The following RTN1 variants were observed in gnomAD, a reference collection of about 807,000 sequenced individuals.
The protein encoded by RTN1 is reticulon 1.
In RTN1, 25 loss-of-function variants were observed where a neutral mutation model predicts 65.5. That is an observed-to-expected ratio of 0.38 (90% CI 0.28 to 0.53). RTN1 has a LOEUF of 0.53. Ranked by LOEUF, RTN1 falls within the 20% of genes least tolerant of loss-of-function variation. RTN1 has a pLI of 0.79. For missense variants in RTN1, 983 were observed against 1,025.4 expected, an observed-to-expected ratio of 0.96 and a Z score of 0.57; for synonymous variants, 471 against 447.6, an observed-to-expected ratio of 1.05 and a Z score of -0.66.
chr14:59,843,716 G>T (rs919854558), intron 1 of RTN1, among the ~76,000 whole-genome samples: 1 of 152,104 alleles, frequency 6.6e-6, no homozygotes, highest in Admixed American at 6.6e-5. Flanking sequence ...CTAAGGTAAG[G>T]CACTGGAAGA....
rs766244535 is a variant in RTN1 at position 59,603,900 on chromosome 14, G to A, written c.2134C>T (p.Leu712=). ...TTGAAGAGAGCGCCAACGTAGGTCAGGAGCCACATCAGGACTGCAAACTGA... is the reference window on the plus strand; with the variant it reads ...TTGAAGAGAGCGCCAACGTAGGTCAAGAGCCACATCAGGACTGCAAACTGA... ...SLKFAVLMWL[L]TYVGALFNGL... Residue 712 remains leucine (L), a synonymous_variant, in exon 6 of 9, where the codon CTG becomes TTG. Transcript: ENST00000267484. 5.6e-6 allele frequency: 9 copies of A among 1,611,856 alleles called. No individual in the cohort carries two copies. In the Admixed American group the frequency reaches 1.0e-4, roughly 18 times the overall value.
At chr14:59,698,682 C>A (rs1036422028) in intron 3 of RTN1, among the ~76,000 whole-genome samples, 5 of 152,206 alleles carry the variant, frequency 3.3e-5, no homozygotes, top group Non-Finnish European at 7.3e-5. Flanking sequence ...TCCCCAGCCA[C>A]GTGGAACTGT....
At chr14:59,840,919 T>C (rs891390038) in intron 1 of RTN1, among the ~76,000 whole-genome samples, 1 of 152,230 alleles carries the variant, frequency 6.6e-6, no homozygotes, top group South Asian at 2.1e-4. Flanking sequence ...AAGCAATGAC[T>C]ATATGGAGAG....
intron 1 of RTN1, among the ~76,000 whole-genome samples, chr14:59,819,635 C>T (rs960664097): frequency 1.3e-5 from 2 of 152,040 alleles, no homozygotes; most frequent in Admixed American, 6.5e-5. Flanking sequence ...TGGGACCGGG[C>T]GCTGCGGAGC....
At chr14:59,693,857 C>T (rs1884009811) in intron 3 of RTN1, among the ~76,000 whole-genome samples, 1 of 152,146 alleles carries the variant, frequency 6.6e-6, no homozygotes, top group African/African-American at 2.4e-5. Flanking sequence ...GTACAAGAAT[C>T]CCTGAGAATC....
chr14:59,646,630 C>T (rs1341610736), intron 3 of RTN1, among the ~76,000 whole-genome samples: 1 of 152,128 alleles, frequency 6.6e-6, no homozygotes, highest in Non-Finnish European at 1.5e-5. Context: ...AGATTGGGGG[C>T]CTATATTCAA....
Position 59,603,070 on chromosome 14 carries a change from C to T in RTN1, c.2283G>A (p.Val761=), listed in dbSNP as rs1881629759. The T allele has an allele frequency of 6.2e-7, 1 of 1,613,076 alleles. No individual in the cohort carries two copies. The highest frequency in any genetic ancestry group is 1.7e-5 in the Admixed American group (1 of 59,954). Residue 761 remains valine (V), a synonymous_variant, in exon 8 of 9, where the codon GTG becomes GTA. Coordinates refer to ENST00000267484, the MANE Select transcript of RTN1 (RefSeq NM_021136.3). ...GLVRTHINAV[V]AKIQAKIPGA... ...CATTGCACTATGTGACTTACTTTGCCACAACAGCATTTATGTGAGTCCTCA... is the reference window on the plus strand; with the variant it reads ...CATTGCACTATGTGACTTACTTTGCTACAACAGCATTTATGTGAGTCCTCA...
intron 1 of RTN1, 91 bp from the exon 2 acceptor site, chr14:59,746,572 G>T (rs1178990349): frequency 1.8e-6 from 2 of 1,104,114 alleles, no homozygotes; most frequent in African/African-American, 1.6e-5. Flanking sequence ...GCCTGGTGAA[G>T]ACATGACATC....
chr14:59,753,966 C>T (rs1020834228), intron 1 of RTN1, among the ~76,000 whole-genome samples: 4 of 152,176 alleles, frequency 2.6e-5, no homozygotes, highest in African/African-American at 9.6e-5. Flanking sequence ...CCTTGAGAGT[C>T]GCTGTGTTAA....
intron 1 of RTN1, among the ~76,000 whole-genome samples, chr14:59,867,457 T>A (rs79199528): frequency 6.6e-6 from 1 of 152,208 alleles, no homozygotes; most frequent in African/African-American, 2.4e-5. Flanking sequence ...TAGAAGACAG[T>A]GTTATTTTGA....
chr14:59,842,235 A>G (rs1241065402), intron 1 of RTN1, among the ~76,000 whole-genome samples: 2 of 152,186 alleles, frequency 1.3e-5, no homozygotes, highest in Non-Finnish European at 2.9e-5. Context: ...TCAATTTACC[A>G]GGAAGAACAT....
chr14:59,819,127 G>A (rs570688228), intron 1 of RTN1, among the ~76,000 whole-genome samples: 13 of 152,234 alleles, frequency 8.5e-5, no homozygotes, highest in African/African-American at 3.1e-4. Flanking sequence ...TGGATTTGTG[G>A]TCTCGCTGGC....
At chr14:59,668,329 C>T (rs1883425590) in intron 3 of RTN1, among the ~76,000 whole-genome samples, 2 of 152,220 alleles carry the variant, frequency 1.3e-5, no homozygotes, top group African/African-American at 4.8e-5. Context: ...TTTTGACAAA[C>T]CTGACAAAAA....
At chr14:59,697,709 G>T (rs1240579523) in intron 3 of RTN1, among the ~76,000 whole-genome samples, 1 of 152,112 alleles carries the variant, frequency 6.6e-6, no homozygotes, top group South Asian at 2.1e-4. Flanking sequence ...CTTATTCCTA[G>T]CACATTAATA....
intron 1 of RTN1, among the ~76,000 whole-genome samples, chr14:59,869,584 G>C (rs201181398): frequency 4.5e-5 from 6 of 132,540 alleles, no homozygotes; most frequent in South Asian, 2.8e-4. Flanking sequence ...CGGGGTGGGG[G>C]GGGGGGGGCG....
chr14:59,839,469 A>G (rs1331616835), intron 1 of RTN1, among the ~76,000 whole-genome samples: 3 of 152,186 alleles, frequency 2.0e-5, no homozygotes, highest in Non-Finnish European at 4.4e-5. Context: ...AATATTAAGC[A>G]TTGATAATCT....
At chr14:59,819,984 G>T (rs1362292781) in intron 1 of RTN1, among the ~76,000 whole-genome samples, 3 of 152,206 alleles carry the variant, frequency 2.0e-5, no homozygotes, top group Non-Finnish European at 4.4e-5. Flanking sequence ...GCCCAGACAG[G>T]GGCTCTCACA....
intron 1 of RTN1, among the ~76,000 whole-genome samples, chr14:59,793,078 A>G (rs934942327): frequency 2.1e-4 from 32 of 152,178 alleles, no homozygotes; most frequent in African/African-American, 7.5e-4. Context: ...CCCCAAGGTC[A>G]AACCATAACA....
chr14:59,704,362 G>A (rs976265377), intron 3 of RTN1, among the ~76,000 whole-genome samples: 4 of 152,178 alleles, frequency 2.6e-5, no homozygotes, highest in Non-Finnish European at 2.9e-5. Flanking sequence ...AATATTGAAC[G>A]ATGTTCCCCC....
Sources: gnomAD v4.1 joint callset for allele counts (sites outside exome capture counted in the v4.1 genomes callset) on GRCh38, gnomAD v4.1.1 for gene constraint, MANE v1.5 for transcripts, NCBI Gene and HGNC (gene_info 2026-07-23, HGNC 2026-07-21) for gene names.